The following GMDS variants were observed in gnomAD, a reference collection of about 807,000 sequenced individuals.
The protein encoded by GMDS is GDP-mannose 4,6 dehydratase.
GMDS carries 20 observed loss-of-function variants against 49.9 expected under a neutral mutation model. The observed-to-expected ratio is 0.40, with a 90% CI of 0.28 to 0.58. The LOEUF is 0.58. Ranked by LOEUF, GMDS falls within the 20% of genes least tolerant of loss-of-function variation. The pLI is 0.42. For missense variants in GMDS, 362 were observed against 481.4 expected (o/e 0.75, Z 2.32); for synonymous variants, 177 against 178.6 (o/e 0.99, Z 0.07).
At chr6:1,776,182 A>C (rs2113594880) in intron 7 of GMDS, among the ~76,000 whole-genome samples, 1 of 152,310 alleles carries the variant, frequency 6.6e-6, no homozygotes, top group Admixed American at 6.5e-5. Context: ...GAGTTTTCTC[A>C]ACCATTCATG....
intron 9 of GMDS, 70 bp from the exon 10 acceptor site, chr6:1,624,610 G>C (rs1043142921): frequency 4.6e-6 from 5 of 1,081,600 alleles, no homozygotes; most frequent in African/African-American, 1.6e-5. Flanking sequence ...CCCGAGCCCC[G>C]GGAACTCCCA....
intron 1 of GMDS, among the ~76,000 whole-genome samples, chr6:2,148,619 C>G (rs1190977244): frequency 6.6e-6 from 1 of 152,116 alleles, no homozygotes; most frequent in African/African-American, 2.4e-5. Flanking sequence ...GGTGTTTCAC[C>G]ATGTTGGCCA....
chr6:1,838,507 TC>T (rs769553056), intron 7 of GMDS, among the ~76,000 whole-genome samples: 1 of 152,262 alleles, frequency 6.6e-6, no homozygotes, highest in Admixed American at 6.5e-5. Context: ...GCTGTTTTTT[TC>T]CACATAAATT....
intron 1 of GMDS, among the ~76,000 whole-genome samples, chr6:2,154,679 G>C (rs752347454): frequency 2.0e-5 from 3 of 151,758 alleles, no homozygotes; most frequent in Non-Finnish European, 4.4e-5. Context: ...AGGGTTTATA[G>C]TATTAATAAT....
intron 8 of GMDS, among the ~76,000 whole-genome samples, chr6:1,737,610 CACAA>C (rs1401899378): frequency 1.4e-4 from 20 of 140,992 alleles, no homozygotes; most frequent in East Asian, 4.3e-4. Flanking sequence ...CCACACACAC[CACAA>C]ACACACACAC....
intron 9 of GMDS, among the ~76,000 whole-genome samples, chr6:1,655,521 A>ACAC (rs1561703883): frequency 6.9e-6 from 1 of 144,532 alleles, no homozygotes; most frequent in African/African-American, 2.6e-5. Context: ...ACACACACAT[A>ACAC]TTTTTTTTTT....
At chr6:2,224,195 T>C (rs1471838514) in intron 1 of GMDS, among the ~76,000 whole-genome samples, 1 of 151,996 alleles carries the variant, frequency 6.6e-6, no homozygotes, top group African/African-American at 2.4e-5. Context: ...GATAAGAAAA[T>C]GGACATAGTG....
chr6:1,641,004 C>T (rs987244475), intron 9 of GMDS, among the ~76,000 whole-genome samples: 1 of 152,152 alleles, frequency 6.6e-6, no homozygotes, highest in Non-Finnish European at 1.5e-5. Flanking sequence ...TTACAGGTGG[C>T]GTTGGCTCCA....
intron 4 of GMDS, among the ~76,000 whole-genome samples, chr6:2,072,578 A>G (rs1772081175): frequency 6.6e-6 from 1 of 152,208 alleles, no homozygotes; most frequent in African/African-American, 2.4e-5. Context: ...TGCAAACTGA[A>G]GTTAAGGAAA....
intron 7 of GMDS, among the ~76,000 whole-genome samples, chr6:1,814,867 A>G (rs569677721): frequency 3.5e-4 from 53 of 152,300 alleles, no homozygotes; most frequent in African/African-American, 7.9e-4. Context: ...ATTTCCTGAT[A>G]TTTCAGTTTC....
intron 4 of GMDS, among the ~76,000 whole-genome samples, chr6:2,093,306 A>C (rs1044216978): frequency 1.3e-5 from 2 of 152,350 alleles, no homozygotes; most frequent in East Asian, 3.9e-4. Context: ...AAAAACACAA[A>C]TAAGTACAAA....
chr6:1,944,303 G>A lies in GMDS; in HGVS notation c.644-14073C>T, dbSNP rs112827070. Reference sequence around the variant, plus strand: ...GGACGGATCACGAGATCAGGAGTTCGAGACCATCCTGGCTAACACAGTGAA... The same window carrying A: ...GGACGGATCACGAGATCAGGAGTTCAAGACCATCCTGGCTAACACAGTGAA... On this transcript the variant is annotated intron_variant, in intron 6 of 10. Transcript: ENST00000380815. Among the ~76,000 whole-genome samples the A allele has an allele frequency of 6.6e-3, 1,004 of 152,208 alleles. 8 individuals carry two copies. Among genetic ancestry groups the A allele is most frequent in the African/African-American group, 0.023 (947 of 41,536 alleles).
chr6:1,924,624 G>A (rs150902089), intron 7 of GMDS, among the ~76,000 whole-genome samples: 13 of 152,154 alleles, frequency 8.5e-5, no homozygotes, highest in African/African-American at 3.1e-4. Flanking sequence ...ACCATATACT[G>A]CCATTTGTAG....
chr6:1,741,679 G>C (rs1356161819), intron 8 of GMDS, among the ~76,000 whole-genome samples: 1 of 151,206 alleles, frequency 6.6e-6, no homozygotes, highest in Non-Finnish European at 1.5e-5. Flanking sequence ...GGGCATGGTG[G>C]GGCATGCCTG....
chr6:1,751,077 G>C (rs924058175), intron 7 of GMDS, among the ~76,000 whole-genome samples: 1 of 152,236 alleles, frequency 6.6e-6, no homozygotes, highest in African/African-American at 2.4e-5. Flanking sequence ...CCCAGTCAGG[G>C]GCTTATAGAT....
intron 4 of GMDS, among the ~76,000 whole-genome samples, chr6:2,017,035 A>C (rs1051980019): frequency 2.0e-5 from 3 of 152,182 alleles, no homozygotes; most frequent in Non-Finnish European, 2.9e-5. Context: ...GCAGAAGAAA[A>C]GAAATAAACA....
intron 2 of GMDS, among the ~76,000 whole-genome samples, chr6:2,121,978 C>T (rs1775161181): frequency 6.6e-6 from 1 of 152,200 alleles, no homozygotes; most frequent in African/African-American, 2.4e-5. Context: ...AAGAACAACT[C>T]AGCCTCAGCA....
intron 7 of GMDS, among the ~76,000 whole-genome samples, chr6:1,883,315 T>TA (rs1229550383): frequency 6.6e-6 from 1 of 151,910 alleles, no homozygotes; most frequent in African/African-American, 2.4e-5. Flanking sequence ...TGCTTAACCC[T>TA]AGGAGGCGGA....
intron 9 of GMDS, among the ~76,000 whole-genome samples, chr6:1,722,246 G>GAT (rs1766411368): frequency 6.9e-6 from 1 of 145,478 alleles, no homozygotes; most frequent in Non-Finnish European, 1.5e-5. Flanking sequence ...ATTATTATTA[G>GAT]TAGTAGTAGT....
Sources: gnomAD v4.1 joint callset for allele counts (sites outside exome capture counted in the v4.1 genomes callset) on GRCh38, gnomAD v4.1.1 for gene constraint, MANE v1.5 for transcripts, NCBI Gene and HGNC (gene_info 2026-07-23, HGNC 2026-07-21) for gene names.